DAB1: variants seen among roughly 807,000 people sequenced by gnomAD.
The protein encoded by DAB1 is DAB adaptor protein 1.
Under a neutral mutation model 64.6 loss-of-function variants are expected in DAB1, and 15 were observed. That is an observed-to-expected ratio of 0.23 (90% confidence interval 0.16 to 0.36). DAB1 has a LOEUF of 0.36. Among genes scored for constraint, DAB1 ranks in the 10% least tolerant of loss-of-function variants. The probability of loss-of-function intolerance (pLI) is 1.00; values close to 1 mark genes in which losing one functional copy is unlikely to be tolerated. For missense variants in DAB1, 596 were observed against 706.7 expected, an observed-to-expected ratio of 0.84 and a Z score of 1.78; for synonymous variants, 235 against 251.9, an observed-to-expected ratio of 0.93 and a Z score of 0.64.
At chr1:58,188,334 T>C (rs1461625131) in intron 4 of DAB1, among the ~76,000 whole-genome samples, 1 of 152,270 alleles carries the variant, frequency 6.6e-6, no homozygotes, top group African/African-American at 2.4e-5. Flanking sequence ...AAATGTTTGA[T>C]AGAGAATCGA....
intron 6 of DAB1, among the ~76,000 whole-genome samples, chr1:57,732,611 T>C (rs1647487888): frequency 6.6e-6 from 1 of 152,228 alleles, no homozygotes; most frequent in African/African-American, 2.4e-5. Context: ...CTAAGGACAG[T>C]TGCTGGCTTT....
intron 7 of DAB1, among the ~76,000 whole-genome samples, chr1:57,601,161 C>A (rs1434921252): frequency 6.6e-6 from 1 of 152,118 alleles, no homozygotes; most frequent in African/African-American, 2.4e-5. Flanking sequence ...AGTTCATCCA[C>A]CTTTAGGGTC....
rs189110666 is a variant in DAB1 at position 57,276,502 on chromosome 1, C to T, written c.67+14462G>A. Among the ~76,000 whole-genome samples the T allele has an allele frequency of 1.0e-3, 159 of 152,294 alleles. 1 individual carries two copies. Among genetic ancestry groups the T allele is most frequent in the Non-Finnish European group, 1.5e-3 (100 of 68,030 alleles). On this transcript the variant is annotated intron_variant, in intron 2 of 14. Coordinates refer to ENST00000371236, the MANE Select transcript of DAB1 (RefSeq NM_001365792.1). ...GTGAACACATATTATGCACCTGGCC[C>T]TATGCATAACACGAAATGAATAAAA...
chr1:57,944,914 C>T (rs1015247426), intron 5 of DAB1, among the ~76,000 whole-genome samples: 3 of 152,140 alleles, frequency 2.0e-5, no homozygotes, highest in Non-Finnish European at 4.4e-5. Context: ...TACATATAAG[C>T]ACACACCTTC....
intron 2 of DAB1, among the ~76,000 whole-genome samples, chr1:57,161,092 A>ATTG (rs1660701971): frequency 6.6e-6 from 1 of 152,060 alleles, no homozygotes; most frequent in Non-Finnish European, 1.5e-5. Flanking sequence ...CCTACAGCAA[A>ATTG]TCTTTGTCTC....
intron 5 of DAB1, among the ~76,000 whole-genome samples, chr1:58,114,996 T>C (rs1652235900): frequency 1.3e-5 from 2 of 151,674 alleles, no homozygotes; most frequent in South Asian, 4.2e-4. Context: ...TGGGATCTAA[T>C]TAAACTAAAG....
In DAB1 at chr1:58,432,948, C is replaced by T. The variant is rs191666047; in HGVS notation, n.257+73112G>A. Among the ~76,000 whole-genome samples the T allele has an allele frequency of 1.1e-4, 16 of 152,370 alleles. 1 individual carries two copies. In the East Asian group the frequency reaches 3.1e-3, roughly 29 times the overall value. On this transcript the variant is annotated intron_variant and non_coding_transcript_variant, in intron 3 of 20. Coordinates refer to the DAB1 transcript ENST00000485760. ...GAGGGCTGGCCCCTCCTGCTGGCTG[C>T]CAGCTTTGCCTCAGCATCCTGTCTG...
At chr1:58,544,797 T>C (rs1198398774) in intron 1 of DAB1, among the ~76,000 whole-genome samples, 1 of 152,200 alleles carries the variant, frequency 6.6e-6, no homozygotes, top group African/African-American at 2.4e-5. Flanking sequence ...TTTCGGCAAA[T>C]TGCCCAGGCT....
chr1:57,767,970 A>C (rs147631797), intron 6 of DAB1, among the ~76,000 whole-genome samples: 1 of 151,968 alleles, frequency 6.6e-6, no homozygotes, highest in African/African-American at 2.4e-5. Flanking sequence ...TGAGGTCAGG[A>C]GTTTGAGACC....
intron 6 of DAB1, among the ~76,000 whole-genome samples, chr1:57,749,832 A>T (rs542385120): frequency 1.3e-5 from 2 of 152,152 alleles, no homozygotes; most frequent in Non-Finnish European, 2.9e-5. Flanking sequence ...CAACCAAAAA[A>T]CATTATCCTG....
Position 58,378,901 on chromosome 1 carries a change from C to T in DAB1, n.258-35498G>A, listed in dbSNP as rs12042768. Among the ~76,000 whole-genome samples the T allele has an allele frequency of 1.5e-4, 7 of 46,688 alleles. No individual in the cohort carries two copies. The African/African-American group carries it at 2.2e-3, about 14-fold the overall frequency. The allele number at this position is 46,688 out of a possible 152,430, so 30.6% of individuals were successfully genotyped here. A position where few individuals can be genotyped will look rare whatever the true frequency, so the allele number is the denominator to read the frequency against. On this transcript the variant is annotated intron_variant and non_coding_transcript_variant, in intron 3 of 20. Coordinates refer to the DAB1 transcript ENST00000485760. ...CTCGTGGTGCGCCGTTTTTTAAGCC[C>T]GTCGGAAAAGCGCAATATTCGGGTG...
chr1:58,031,906 C>G (rs1271284603), intron 5 of DAB1, among the ~76,000 whole-genome samples: 1 of 151,838 alleles, frequency 6.6e-6, no homozygotes, highest in Non-Finnish European at 1.5e-5. Flanking sequence ...CCCTTCTATA[C>G]CCTCATTTCC....
intron 6 of DAB1, among the ~76,000 whole-genome samples, chr1:57,769,670 TG>T (rs984121783): frequency 1.3e-5 from 2 of 152,162 alleles, no homozygotes; most frequent in African/African-American, 4.8e-5. Context: ...GTGCCTGAGT[TG>T]GGACTCTATT....
At chr1:57,781,478 T>C (rs765497742) in intron 6 of DAB1, among the ~76,000 whole-genome samples, 1 of 151,952 alleles carries the variant, frequency 6.6e-6, no homozygotes, top group Non-Finnish European at 1.5e-5. Flanking sequence ...GGCATTCTAC[T>C]AAAAGCTTTA....
intron 1 of DAB1, among the ~76,000 whole-genome samples, chr1:57,311,930 T>G (rs2100735240): frequency 6.6e-6 from 1 of 152,282 alleles, no homozygotes; most frequent in East Asian, 1.9e-4. Context: ...CGCTAAACGT[T>G]ATGGTTTCTT....
At chr1:57,911,459 CT>C (rs1274673189) in intron 5 of DAB1, among the ~76,000 whole-genome samples, 1 of 152,216 alleles carries the variant, frequency 6.6e-6, no homozygotes, top group Non-Finnish European at 1.5e-5. Flanking sequence ...CAGAGGACAG[CT>C]AGACCTCCAG....
intron 3 of DAB1, among the ~76,000 whole-genome samples, chr1:58,422,602 ATT>A (rs36063995): frequency 0.058 from 7,411 of 128,232 alleles, 328 homozygotes; most frequent in African/African-American, 0.14. Context: ...CAGGAGGCAA[ATT>A]TTTTTTTTTT....
chr1:57,825,551 T>C (rs1652307981), downstream of DAB1, among the ~76,000 whole-genome samples: 1 of 152,114 alleles, frequency 6.6e-6, no homozygotes, highest in Non-Finnish European at 1.5e-5. Flanking sequence ...AGGAGGAAGG[T>C]GACTTGAGTG....
At chr1:58,351,420 T>C (rs1644056196) in intron 3 of DAB1, among the ~76,000 whole-genome samples, 2 of 152,120 alleles carry the variant, frequency 1.3e-5, no homozygotes, top group African/African-American at 4.8e-5. Flanking sequence ...GGGGCCCTGA[T>C]AGATTTTGAC....
Sources: gnomAD v4.1 joint callset for allele counts (sites outside exome capture counted in the v4.1 genomes callset) on GRCh38, gnomAD v4.1.1 for gene constraint, MANE v1.5 for transcripts, NCBI Gene and HGNC (gene_info 2026-07-23, HGNC 2026-07-21) for gene names.